HTRA2: variants seen among roughly 807,000 people sequenced by gnomAD.
HTRA2 encodes the protein HtrA serine peptidase 2, also known as serine protease HTRA2, mitochondrial.
HTRA2 carries 24 observed loss-of-function variants against 42.2 expected under a neutral mutation model. The observed-to-expected ratio is 0.57, with a 90% CI of 0.41 to 0.80. The LOEUF (loss-of-function observed/expected upper bound fraction) is 0.80, where lower values mean the gene tolerates loss of function less well. HTRA2 is among the 30% of genes least tolerant of loss of function. The probability of loss-of-function intolerance (pLI) is 0.00; values close to 1 mark genes in which losing one functional copy is unlikely to be tolerated. For missense variants in HTRA2, 466 were observed against 613.5 expected, an observed-to-expected ratio of 0.76 and a Z score of 2.54; for synonymous variants, 245 against 255.8, an observed-to-expected ratio of 0.96 and a Z score of 0.40.
intron 4 of HTRA2, 109 bp from the exon 5 acceptor site, chr2:74,531,488 C>T: frequency 6.2e-7 from 1 of 1,604,790 alleles, no homozygotes. Context: ...TGTTGGCTAT[C>T]TCTCAATATC....
upstream of HTRA2, chr2:74,529,768 CT>C: frequency 6.8e-7 from 1 of 1,478,660 alleles, no homozygotes; most frequent in South Asian, 1.3e-5. Flanking sequence ...GCCGGAAGGG[CT>C]AGCGGTCCCA....
At chr2:74,529,917 C>T, upstream of HTRA2, 3 of 1,472,598 alleles carry the variant, frequency 2.0e-6, no homozygotes, top group South Asian at 2.8e-5. Context: ...CTTCAGGTAC[C>T]GGCGTGCCCC....
At position 74,530,282 on chromosome 2, in the gene HTRA2, C is replaced by T. The variant is rs1166498953; in HGVS notation, c.276C>T (p.Thr92=). The part of the protein sequence containing the change: ...QLTAVTPDTR[T]REASENSGTR... ...CTGCGGTGACCCCAGATACCAGGAC[C>T]CGGGAGGCCTCAGAGAACTCTGGAA... The change falls in exon 1 of 8, where the codon ACC becomes ACT. Residue 92 remains threonine, a synonymous_variant. Coordinates refer to ENST00000258080, the MANE Select transcript of HTRA2 (RefSeq NM_013247.5). This position sits in a 1 kb window ranked among gnomAD's most constrained non-coding sequence, Gnocchi z 7.4. The T allele has an allele frequency of 1.9e-6, 3 of 1,604,834 alleles. No individual in the cohort carries two copies. The highest frequency in any genetic ancestry group is 1.7e-5 in the Admixed American group (1 of 59,380).
rs761105078 is a variant in HTRA2 at position 74,532,830 on chromosome 2, C to T, written c.1222C>T (p.Arg408Trp). The T allele has an allele frequency of 6.2e-6, 10 of 1,613,924 alleles. No individual in the cohort carries two copies. Among genetic ancestry groups the T allele is most frequent in the African/African-American group, 1.3e-5 (1 of 74,864 alleles). ...LGSPAHRAGL[R>W]PGDVILAIGE... ...CATTTTTCTCTATAGGGCTGGTCTG[C>T]GGCCTGGTGATGTGATTTTGGCCAT... Residue 408 changes from arginine to tryptophan, a missense_variant, in exon 8 of 8, where the codon CGG (arginine) becomes TGG (tryptophan). Physicochemically the swap from Arg to Trp is moderately radical, Grantham distance 101 (BLOSUM62 -3). Coordinates refer to ENST00000258080, the MANE Select transcript of HTRA2 (RefSeq NM_013247.5).
downstream of HTRA2, chr2:74,533,533 A>G: frequency 1.5e-6 from 2 of 1,376,472 alleles, no homozygotes; most frequent in South Asian, 1.2e-5. Context: ...TTTCTTGGTA[A>G]GCTCCTGAGG....
At chr2:74,533,473 A>G, downstream of HTRA2, 1 of 731,020 alleles carries the variant, frequency 1.4e-6, no homozygotes, top group Non-Finnish European at 2.3e-6. Flanking sequence ...TCTGCTTGAC[A>G]GTTCCACATC....
chr2:74,530,052 G>C lies in HTRA2; in HGVS notation c.46G>C (p.Ala16Pro). Residue 16 changes from alanine (A) to proline (P), a missense_variant, in exon 1 of 8, where the codon GCA becomes CCA. Physicochemically the swap from Ala to Pro is conservative, Grantham distance 27. Transcript: ENST00000258080. The surrounding 1 kb of genome is among the most constrained non-coding windows in gnomAD (Gnocchi z 7.4). The stretch of plus-strand genomic sequence containing the variant: ...GCGGGGTGCAGGCTGGAGCCTTCGG[G>C]CATGGCGGGCTTTGGGGGGCATTCG... The part of the protein sequence containing the change: ...AGRGAGWSLR[A>P]WRALGGIRWG... The C allele has an allele frequency of 1.9e-6, 3 of 1,582,902 alleles. No individual in the cohort carries two copies.
Position 74,531,332 on chromosome 2 carries a change from C to G in HTRA2, c.907-7C>G, listed in dbSNP as rs370645837. On this transcript the variant is annotated splice_region_variant and splice_polypyrimidine_tract_variant and intron_variant, in intron 3 of 7. Transcript: ENST00000258080. The stretch of plus-strand genomic sequence containing the variant: ...GATCTCTTTCATGTTTTCTCCTTGT[C>G]CTACAGTTTGGAAACTCTGGAGGTC... 9.3e-6 allele frequency: 15 copies of G among 1,613,896 alleles called. No homozygotes were observed. The Middle Eastern group carries it at 8.2e-4, about 88-fold the overall frequency.
At chr2:74,531,981 A>T in intron 6 of HTRA2, 56 bp downstream of exon 6, 1 of 1,468,308 alleles carries the variant, frequency 6.8e-7, no homozygotes, top group East Asian at 2.3e-5. Context: ...AGAGGGGGGC[A>T]CCTCTATTGA....
At chr2:74,529,648 G>T, upstream of HTRA2, 2 of 1,551,464 alleles carry the variant, frequency 1.3e-6, no homozygotes, top group Non-Finnish European at 1.7e-6. Flanking sequence ...CTTCAGGAGC[G>T]CCCGGCCGTC....
chr2:74,531,291 A>C, intron 3 of HTRA2, 48 bp from the exon 4 acceptor site: 1 of 1,607,310 alleles, frequency 6.2e-7, no homozygotes, highest in Non-Finnish European at 8.5e-7. Flanking sequence ...GTATGCCCCC[A>C]GACTTAGAAT....
upstream of HTRA2, chr2:74,529,537 C>G (rs1270090164): frequency 6.5e-7 from 1 of 1,548,926 alleles, no homozygotes; most frequent in Admixed American, 1.9e-5. Flanking sequence ...CGCCGAAGGC[C>G]GAGAGCACGC....
chr2:74,530,065 T>TG lies in HTRA2; in HGVS notation c.65dup (p.Ile23HisfsTer12), dbSNP rs1426130296. ...TGGAGCCTTCGGGCATGGCGGGCTT[T>TG]GGGGGGCATTCGCTGGGGGAGGAGA... On this transcript the variant is annotated frameshift_variant, in exon 1 of 8. Coordinates refer to ENST00000258080, the MANE Select transcript of HTRA2 (RefSeq NM_013247.5). LOFTEE classifies it high-confidence loss of function. This position sits in a 1 kb window ranked among gnomAD's most constrained non-coding sequence, Gnocchi z 7.4. 2 of 1,590,138 alleles carry TG rather than the reference T, an allele frequency of 1.3e-6. No homozygotes were observed. Among genetic ancestry groups the TG allele is most frequent in the Middle Eastern group, 1.7e-4 (1 of 5,978 alleles).
Position 74,530,498 on chromosome 2 carries a change from C to T in HTRA2, c.492C>T (p.Ile164=), listed in dbSNP as rs1675509656. Residue 164 remains isoleucine, a synonymous_variant, in exon 1 of 8, where the codon ATC becomes ATT. Transcript: ENST00000258080. The surrounding 1 kb of genome is among the most constrained non-coding windows in gnomAD (Gnocchi z 7.4). ...VEKTAPAVVY[I]EILDRHPFLG... ...AGACAGCACCTGCCGTGGTCTATATCGAGATCCTGGACCGGTAATGGTGGG... is the reference window on the plus strand; with the variant it reads ...AGACAGCACCTGCCGTGGTCTATATTGAGATCCTGGACCGGTAATGGTGGG... 1.2e-6 allele frequency: 2 copies of T among 1,611,202 alleles called. No homozygotes were observed. The highest frequency in any genetic ancestry group is 1.7e-6 in the Non-Finnish European group (2 of 1,180,018).
intron 5 of HTRA2, 33 bp from the exon 6 acceptor site, chr2:74,531,823 G>A (rs1286988110): frequency 3.1e-6 from 5 of 1,613,098 alleles, no homozygotes; most frequent in Admixed American, 1.7e-5. Flanking sequence ...GAAGGATGTA[G>A]CTGGGTGGGG....
rs372441631 is a variant in HTRA2 at position 74,530,024 on chromosome 2, G to A, written c.18G>A (p.Ala6=). 2.5e-5 allele frequency: 39 copies of A among 1,545,684 alleles called. No individual in the cohort carries two copies. The highest frequency in any genetic ancestry group is 3.3e-5 in the Non-Finnish European group (38 of 1,141,446). MAAPR[A]GRGAGWSLRA... is the part of the protein sequence containing the mutation. ...CGGAGCTGATGGCTGCGCCGAGGGC[G>A]GGGCGGGGTGCAGGCTGGAGCCTTC... Residue 6 remains alanine (A), a synonymous_variant, in exon 1 of 8, where the codon GCG becomes GCA. Coordinates refer to ENST00000258080, the MANE Select transcript of HTRA2 (RefSeq NM_013247.5). The surrounding 1 kb of genome is among the most constrained non-coding windows in gnomAD (Gnocchi z 7.4).
chr2:74,529,572 T>C, upstream of HTRA2: 1 of 1,561,318 alleles, frequency 6.4e-7, no homozygotes, highest in Non-Finnish European at 8.7e-7. Flanking sequence ...TCCCGCCGGG[T>C]CTCTTACCGG....
In HTRA2 at chr2:74,530,175, C is replaced by G; in HGVS notation, c.169C>G (p.Leu57Val). The change falls in exon 1 of 8, where the codon CTC becomes GTC. Residue 57 changes from leucine (L) to valine (V), a missense_variant. Around this residue, in one of 3 missense-constraint regions of HTRA2, gnomAD observed 222 missense variants for 205.1 expected, o/e 1.08. Coordinates refer to ENST00000258080, the MANE Select transcript of HTRA2 (RefSeq NM_013247.5). This position sits in a 1 kb window ranked among gnomAD's most constrained non-coding sequence, Gnocchi z 7.4. ...CCGAGTGACTTATGGGACCCCCAGTCTCTGGGCCCGGTTGTCTGTTGGGGT... is the reference window on the plus strand; with the variant it reads ...CCGAGTGACTTATGGGACCCCCAGTGTCTGGGCCCGGTTGTCTGTTGGGGT... ...RARVTYGTPS[L>V]WARLSVGVTE... 6.2e-7 allele frequency: 1 copy of G among 1,612,166 alleles called. No individual in the cohort carries two copies. Among genetic ancestry groups the G allele is most frequent in the Non-Finnish European group, 8.5e-7 (1 of 1,179,438 alleles).
upstream of HTRA2, chr2:74,529,529 C>T (rs1176462999): frequency 1.0e-5 from 16 of 1,548,602 alleles, no homozygotes; most frequent in Non-Finnish European, 1.2e-5. Flanking sequence ...TGGTCAGGCG[C>T]CGAAGGCCGA....
Sources: gnomAD v4.1 joint callset for allele counts on GRCh38, gnomAD v4.1.1 for gene constraint, gnomAD v4.1.1 regional missense constraint, Gnocchi (gnomAD v3.1) non-coding constraint, MANE v1.5 for transcripts, NCBI Gene and HGNC (gene_info 2026-07-23, HGNC 2026-07-21) for gene names.